DNAJC16: variants seen among roughly 807,000 people sequenced by gnomAD.
DNAJC16 encodes DnaJ heat shock protein family (Hsp40) member C16.
DNAJC16 carries 76 observed loss-of-function variants against 92.7 expected under a neutral mutation model. The observed-to-expected ratio is 0.82, with a 90% CI of 0.68 to 0.99. The LOEUF is 0.99. DNAJC16 is among the 50% of genes least tolerant of loss of function. The pLI, the probability that DNAJC16 is intolerant of heterozygous loss-of-function variation, is 0.00. For synonymous variants in DNAJC16, 328 were observed against 358.7 expected, an observed-to-expected ratio of 0.91 and a Z score of 0.97; for missense variants, 869 against 942.4, an observed-to-expected ratio of 0.92 and a Z score of 1.02.
At chr1:15,560,524 T>G (rs1381139780) in intron 8 of DNAJC16, among the ~76,000 whole-genome samples, 1 of 152,162 alleles carries the variant, frequency 6.6e-6, no homozygotes, top group Non-Finnish European at 1.5e-5. Flanking sequence ...CCTTCTCAGG[T>G]GAATGAATCA....
In DNAJC16 at chr1:15,564,206, C is replaced by T. The variant is rs1004411132; in HGVS notation, c.1522-77C>T. On this transcript the variant is annotated intron_variant, in intron 10 of 14. Transcript: ENST00000375847. ...TCTGCTCAGAGCAGAGGTCCAGCAG[C>T]AGCACTGTGTTGCAGGGTAGAGGGA... 8.4e-6 allele frequency: 13 copies of T among 1,554,092 alleles called. 1 individual carries two copies. The South Asian group carries it at 1.5e-4, about 17-fold the overall frequency.
chr1:15,544,162 A>ACACACACACACACACACG (rs1213005767), intron 4 of DNAJC16, among the ~76,000 whole-genome samples: 2 of 150,516 alleles, frequency 1.3e-5, no homozygotes, highest in African/African-American at 4.9e-5. Flanking sequence ...ACACACACAC[A>ACACACACACACACACACG]CACACACACA....
At chr1:15,532,344 C>T (rs1211311660) in intron 2 of DNAJC16, among the ~76,000 whole-genome samples, 1 of 152,058 alleles carries the variant, frequency 6.6e-6, no homozygotes, top group African/African-American at 2.4e-5. Context: ...GAAATAATTT[C>T]ATATTAACTG....
At chr1:15,541,100 GA>G (rs755257789) in intron 4 of DNAJC16, among the ~76,000 whole-genome samples, 5 of 152,144 alleles carry the variant, frequency 3.3e-5, no homozygotes, top group African/African-American at 4.8e-5. Context: ...GAATGATTGT[GA>G]GTATGAAAAG....
chr1:15,534,848 G>A (rs1710743528), intron 3 of DNAJC16, among the ~76,000 whole-genome samples: 1 of 152,328 alleles, frequency 6.6e-6, no homozygotes, highest in African/African-American at 2.4e-5. Flanking sequence ...ATTACCCTGA[G>A]TATGTCTGTA....
chr1:15,533,266 G>A (rs370606566), intron 2 of DNAJC16, among the ~76,000 whole-genome samples: 2 of 152,320 alleles, frequency 1.3e-5, no homozygotes, highest in Admixed American at 6.5e-5. Context: ...GGGAGGCCAA[G>A]GCAGGAGGAT....
intron 3 of DNAJC16, 128 bp downstream of exon 3, chr1:15,534,431 T>C (rs948834516): frequency 1.3e-5 from 12 of 951,172 alleles, no homozygotes; most frequent in Non-Finnish European, 1.9e-5. Flanking sequence ...TAGATTATAA[T>C]AGAGAGAACA....
At chr1:15,552,790 C>T (rs1474623773) in intron 7 of DNAJC16, among the ~76,000 whole-genome samples, 1 of 141,406 alleles carries the variant, frequency 7.1e-6, no homozygotes, top group Non-Finnish European at 1.5e-5. Flanking sequence ...TTTTTGGAGA[C>T]ACAGTCTTGC....
At chr1:15,567,550 A>G (rs1393151702) in intron 14 of DNAJC16, among the ~76,000 whole-genome samples, 1 of 152,076 alleles carries the variant, frequency 6.6e-6, no homozygotes, top group Non-Finnish European at 1.5e-5. Context: ...TTTCCAGAAG[A>G]GCAATGTTAA....
intron 2 of DNAJC16, among the ~76,000 whole-genome samples, chr1:15,532,714 T>TG (rs1553146189): frequency 6.6e-6 from 1 of 152,020 alleles, no homozygotes; most frequent in Non-Finnish European, 1.5e-5. Flanking sequence ...TGTTTTTTTT[T>TG]GTCATCCAGA....
chr1:15,548,219 T>C lies in DNAJC16; in HGVS notation c.865-51T>C, dbSNP rs766234968. The C allele has an allele frequency of 4.8e-5, 77 of 1,589,026 alleles. No individual in the cohort carries two copies. The Middle Eastern group carries it at 1.6e-3, about 32-fold the overall frequency. On this transcript the variant is annotated intron_variant, in intron 6 of 14. Transcript: ENST00000375847. ...GAAAAAGCCCTACTTGATTTGTCAT[T>C]TACATCTTTGCTGTAGTTTTATTTT... is the stretch of plus-strand genomic sequence containing the variant.
intron 4 of DNAJC16, among the ~76,000 whole-genome samples, chr1:15,543,277 T>C (rs1329239344): frequency 6.6e-6 from 1 of 152,192 alleles, no homozygotes; most frequent in African/African-American, 2.4e-5. Flanking sequence ...GAGTACTGTT[T>C]TAAATATGGT....
rs1638760565 is a variant in DNAJC16 at position 15,564,289 on chromosome 1, C to T, written c.1528C>T (p.Leu510Phe). The change falls in exon 11 of 15, where the codon CTC (leucine) becomes TTC (phenylalanine). Residue 510 changes from leucine to phenylalanine, a missense_variant. Leu to Phe is a conservative substitution (Grantham distance 22). Transcript: ENST00000375847. The part of the protein sequence containing the change: ...DLTDELAPVF[L>F]LRWFYSASDY... ...CCATTTTCTCTCTACATAGGTTTTT[C>T]TCCTTCGATGGTTCTACTCTGCTTC... 5 of 1,607,936 alleles carry T rather than the reference C, an allele frequency of 3.1e-6. No homozygotes were observed. The Admixed American group carries it at 8.3e-5, about 27-fold the overall frequency.
chr1:15,554,430 A>G (rs1458277099), intron 7 of DNAJC16, among the ~76,000 whole-genome samples: 2 of 152,148 alleles, frequency 1.3e-5, no homozygotes, highest in Non-Finnish European at 2.9e-5. Flanking sequence ...TATTTAAGAT[A>G]TACTTCCCCT....
chr1:15,546,915 C>CAT, intron 6 of DNAJC16, 44 bp downstream of exon 6: 1 of 906,242 alleles, frequency 1.1e-6, no homozygotes, highest in Non-Finnish European at 1.6e-6. Flanking sequence ...CTTTTCTTTT[C>CAT]TTTTTTTTTT....
intron 1 of DNAJC16, among the ~76,000 whole-genome samples, chr1:15,528,554 T>TTAAGAGTG (rs1192988552): frequency 6.6e-6 from 1 of 152,178 alleles, no homozygotes; most frequent in Non-Finnish European, 1.5e-5. Context: ...AACTACACAG[T>TTAAGAGTG]TTTTTGAGAG....
rs1557593009 is a variant in DNAJC16, at chr1:15,570,819, C to G, written c.*2642C>G. Reference sequence around the variant, plus strand: ...CATATGAGCCATTGTCATGCTCAGCCTGTGCCACCATTGCTCTGTCTGATG... The same window carrying G: ...CATATGAGCCATTGTCATGCTCAGCGTGTGCCACCATTGCTCTGTCTGATG... On this transcript the variant is annotated 3_prime_UTR_variant, in exon 15 of 15. Transcript: ENST00000375847. The G allele has an allele frequency of 6.6e-6, 1 of 152,194 alleles. No individual in the cohort carries two copies. Among genetic ancestry groups the G allele is most frequent in the African/African-American group, 2.4e-5 (1 of 41,434 alleles). 9.4% of individuals were successfully genotyped at this position (152,194 alleles called of 1,614,324 possible). A position where few individuals can be genotyped will look rare whatever the true frequency, so the allele number is the denominator to read the frequency against.
rs780244178 is a variant in DNAJC16, at chr1:15,567,117, C to T, written c.1797C>T (p.Gly599=). 5 of 1,609,848 alleles carry T rather than the reference C, an allele frequency of 3.1e-6. No homozygotes were observed. The highest frequency in any genetic ancestry group is 3.4e-6 in the Non-Finnish European group (4 of 1,176,404). The change falls in exon 14 of 15, where the codon GGC becomes GGT. Residue 599 remains glycine (G), a synonymous_variant. Transcript: ENST00000375847. The stretch of plus-strand genomic sequence containing the variant: ...TCCACAGCAAGATTCCTAAAAAAGG[C>T]TTTGTGGAGGTAACTGAACTCACAG... ...KENSSKIPKK[G]FVEVTELTDV... is the part of the protein sequence containing the mutation.
chr1:15,539,640 G>A (rs1710885193), intron 4 of DNAJC16, among the ~76,000 whole-genome samples: 1 of 152,046 alleles, frequency 6.6e-6, no homozygotes, highest in African/African-American at 2.4e-5. Context: ...AACCTCGTGG[G>A]CTTAAGCAGT....
Sources: gnomAD v4.1 joint callset for allele counts (sites outside exome capture counted in the v4.1 genomes callset) on GRCh38, gnomAD v4.1.1 for gene constraint, MANE v1.5 for transcripts, NCBI Gene and HGNC (gene_info 2026-07-23, HGNC 2026-07-21) for gene names.